The following SLC25A37 variants were observed in gnomAD, a reference collection of about 807,000 sequenced individuals.
SLC25A37 encodes the protein mitoferrin-1.
SLC25A37 carries 17 observed loss-of-function variants against 31.0 expected under a neutral mutation model. That is an observed-to-expected ratio of 0.55 (90% confidence interval 0.38 to 0.82). The LOEUF (loss-of-function observed/expected upper bound fraction) is 0.82. Ranked by LOEUF, SLC25A37 falls within the 40% of genes least tolerant of loss-of-function variation. The probability of loss-of-function intolerance (pLI) is 0.00; values close to 1 mark genes in which losing one functional copy is unlikely to be tolerated. For synonymous variants in SLC25A37, 222 were observed against 193.0 expected (o/e 1.15, Z -1.24); for missense variants, 404 against 465.8 (o/e 0.87, Z 1.22).
In SLC25A37 at chr8:23,534,446, G is replaced by A. The variant is rs866478977; in HGVS notation, c.210+5234G>A. Among the ~76,000 whole-genome samples the A allele has an allele frequency of 2.0e-5, 3 of 152,266 alleles. No individual in the cohort carries two copies. In the South Asian group the frequency reaches 6.2e-4, roughly 32 times the overall value. On this transcript the variant is annotated intron_variant, in intron 1 of 3. Coordinates refer to ENST00000519973, the MANE Select transcript of SLC25A37 (RefSeq NM_016612.4). Reference sequence around the variant, plus strand: ...AAATGGGGATCCTGATTTTCTTCCTGCTTTCTCTTTCCTGACCCAGCTTTC... The same window carrying A: ...AAATGGGGATCCTGATTTTCTTCCTACTTTCTCTTTCCTGACCCAGCTTTC...
chr8:23,565,982 T>A, intron 1 of SLC25A37, 126 bp from the exon 2 acceptor site: 1 of 1,337,422 alleles, frequency 7.5e-7, no homozygotes, highest in Non-Finnish European at 9.8e-7. Flanking sequence ...TATGTTTCCT[T>A]CCCAGAGAAA....
intron 1 of SLC25A37, among the ~76,000 whole-genome samples, chr8:23,560,535 T>C (rs929953387): frequency 1.2e-4 from 18 of 152,200 alleles, no homozygotes; most frequent in African/African-American, 4.1e-4. Context: ...CAGTGGGTGC[T>C]CCCTGCAGGC....
chr8:23,565,060 G>C (rs1443524428), intron 1 of SLC25A37, among the ~76,000 whole-genome samples: 1 of 152,228 alleles, frequency 6.6e-6, no homozygotes, highest in Non-Finnish European at 1.5e-5. Context: ...GTTACAGTTT[G>C]AGTCTGAAGG....
In SLC25A37 at chr8:23,571,886, T is replaced by C; in HGVS notation, c.*31T>C. 2 of 1,596,904 alleles carry C rather than the reference T, an allele frequency of 1.3e-6. No homozygotes were observed. Among genetic ancestry groups the C allele is most frequent in the Non-Finnish European group, 1.7e-6 (2 of 1,168,682 alleles). On this transcript the variant is annotated 3_prime_UTR_variant, in exon 4 of 4. Coordinates refer to ENST00000519973, the MANE Select transcript of SLC25A37 (RefSeq NM_016612.4). Reference sequence around the variant, plus strand: ...GGGATCATAGAATCTTTTCTTAAAGTCATTCTCTGCCTGCATCCAGCCCCT... The same window carrying C: ...GGGATCATAGAATCTTTTCTTAAAGCCATTCTCTGCCTGCATCCAGCCCCT...
chr8:23,553,068 T>C (rs1273053044), intron 1 of SLC25A37, among the ~76,000 whole-genome samples: 1 of 147,958 alleles, frequency 6.8e-6, no homozygotes, highest in East Asian at 2.0e-4. Context: ...ACTCTTGTGT[T>C]AAATTTGTTC....
chr8:23,565,126 C>T (rs1317398883), intron 1 of SLC25A37, among the ~76,000 whole-genome samples: 2 of 152,148 alleles, frequency 1.3e-5, no homozygotes, highest in Non-Finnish European at 2.9e-5. Flanking sequence ...TCTCACGAGG[C>T]CTTCAGCTGA....
intron 1 of SLC25A37, among the ~76,000 whole-genome samples, chr8:23,533,102 C>T (rs138334887): frequency 4.7e-4 from 71 of 152,094 alleles, no homozygotes; most frequent in African/African-American, 1.7e-3. Flanking sequence ...GAATTTGGAA[C>T]GAGGAATCAA....
At chr8:23,533,585 ACT>A (rs1801703771) in intron 1 of SLC25A37, among the ~76,000 whole-genome samples, 1 of 151,746 alleles carries the variant, frequency 6.6e-6, no homozygotes. Flanking sequence ...TGGGCTTCTG[ACT>A]CTCTCTGACT....
At chr8:23,559,251 C>T (rs139345834) in intron 1 of SLC25A37, among the ~76,000 whole-genome samples, 51 of 152,200 alleles carry the variant, frequency 3.4e-4, no homozygotes, top group African/African-American at 1.2e-3. Flanking sequence ...CTGATTTTAC[C>T]GAACAGGAGG....
At chr8:23,531,678 A>G (rs757362902) in intron 1 of SLC25A37, 2 of 152,098 alleles carry the variant, frequency 1.3e-5, no homozygotes, top group Non-Finnish European at 2.9e-5. Context: ...GCTTTTTTCT[A>G]TCCTAGGTAA....
At chr8:23,542,620 C>T (rs1394252298) in intron 1 of SLC25A37, among the ~76,000 whole-genome samples, 1 of 151,630 alleles carries the variant, frequency 6.6e-6, no homozygotes, top group Admixed American at 6.6e-5. Flanking sequence ...CTCAGGTGAC[C>T]CGCCCTCCTC....
At chr8:23,551,959 C>A (rs995218841) in intron 1 of SLC25A37, among the ~76,000 whole-genome samples, 2 of 152,186 alleles carry the variant, frequency 1.3e-5, no homozygotes, top group Admixed American at 1.3e-4. Context: ...CACCAGTGCC[C>A]TGTGGCTGGT....
In SLC25A37 at chr8:23,571,901, A is replaced by C; in HGVS notation, c.*46A>C. On this transcript the variant is annotated 3_prime_UTR_variant, in exon 4 of 4. Coordinates refer to ENST00000519973, the MANE Select transcript of SLC25A37 (RefSeq NM_016612.4). The stretch of plus-strand genomic sequence containing the variant: ...TTTCTTAAAGTCATTCTCTGCCTGC[A>C]TCCAGCCCCTTGCCCTCTCCTCACA... 1.3e-6 allele frequency: 2 copies of C among 1,586,144 alleles called. No individual in the cohort carries two copies. The highest frequency in any genetic ancestry group is 1.4e-5 in the African/African-American group (1 of 74,018).
intron 3 of SLC25A37, 74 bp from the exon 4 acceptor site, chr8:23,571,261 A>G: frequency 6.9e-7 from 1 of 1,450,654 alleles, no homozygotes; most frequent in South Asian, 1.4e-5. Context: ...CTTCATTCCG[A>G]CCTGGGGTGG....
intron 1 of SLC25A37, among the ~76,000 whole-genome samples, chr8:23,546,535 A>G (rs1178881879): frequency 3.7e-4 from 6 of 16,292 alleles, no homozygotes; most frequent in Non-Finnish European, 6.3e-4. Flanking sequence ...ATAGGTGTAT[A>G]TATATATATA....
intron 3 of SLC25A37, among the ~76,000 whole-genome samples, chr8:23,569,459 G>A (rs1057292631): frequency 6.7e-6 from 1 of 149,872 alleles, no homozygotes; most frequent in Non-Finnish European, 1.5e-5. Context: ...AACCCTTATC[G>A]ATCCTAGACA....
chr8:23,543,937 C>A (rs112501265), intron 1 of SLC25A37, among the ~76,000 whole-genome samples: 2 of 151,984 alleles, frequency 1.3e-5, no homozygotes, highest in Non-Finnish European at 2.9e-5. Context: ...CTCGGCTCAC[C>A]GCAACCTCTG....
At chr8:23,549,346 G>T (rs1025780578) in intron 1 of SLC25A37, among the ~76,000 whole-genome samples, 1 of 152,104 alleles carries the variant, frequency 6.6e-6, no homozygotes, top group Non-Finnish European at 1.5e-5. Flanking sequence ...ATTGTATGCC[G>T]GAGCTCTTGG....
intron 1 of SLC25A37, among the ~76,000 whole-genome samples, chr8:23,538,811 G>C (rs1801830303): frequency 1.3e-5 from 2 of 152,198 alleles, no homozygotes; most frequent in Admixed American, 6.5e-5. Flanking sequence ...AGATGGGCTG[G>C]AAGAACAAGG....
Sources: gnomAD v4.1 joint callset for allele counts (sites outside exome capture counted in the v4.1 genomes callset) on GRCh38, gnomAD v4.1.1 for gene constraint, MANE v1.5 for transcripts, NCBI Gene and HGNC (gene_info 2026-07-23, HGNC 2026-07-21) for gene names.